The following FHDC1 variants were observed in gnomAD, a reference collection of about 807,000 sequenced individuals.
FHDC1 encodes the protein FH2 domain containing 1.
A neutral mutation model predicts 52.6 loss-of-function variants in FHDC1; 25 were observed. The observed-to-expected ratio is 0.48, with a 90% CI of 0.35 to 0.66. The LOEUF is 0.66. FHDC1 is among the 30% of genes least tolerant of loss of function. The pLI is 0.01. For missense variants in FHDC1, 1,459 were observed against 1,452.8 expected (o/e 1.00, Z -0.07); for synonymous variants, 616 against 581.5 (o/e 1.06, Z -0.85).
chr4:152,966,945 C>A (rs1397998294), intron 9 of FHDC1, among the ~76,000 whole-genome samples: 1 of 152,074 alleles, frequency 6.6e-6, no homozygotes, highest in Non-Finnish European at 1.5e-5. Context: ...CATAGTAAGA[C>A]CCTGTCTCTA....
Position 152,954,287 on chromosome 4 carries a change from G to A in FHDC1, c.631G>A (p.Glu211Lys), listed in dbSNP as rs1283989592. ...GCATTATGGATCAGAGACCTTGCGA[G>A]AATTTCTTAAGTTTTTGCCAGAGTC... ...SEHYGSETLR[E>K]FLKFLPESEE... The change falls in exon 4 of 12, where the codon GAA (glutamate) becomes AAA (lysine). Residue 211 changes from glutamate to lysine, a missense_variant. Coordinates refer to ENST00000511601, the MANE Select transcript of FHDC1 (RefSeq NM_001371116.1). 2.5e-6 allele frequency: 4 copies of A among 1,614,042 alleles called. No homozygotes were observed. The highest frequency in any genetic ancestry group is 1.7e-5 in the Admixed American group (1 of 60,014).
intron 4 of FHDC1, 86 bp downstream of exon 4, chr4:152,954,405 G>C: frequency 1.8e-6 from 2 of 1,124,282 alleles, no homozygotes; most frequent in Non-Finnish European, 2.6e-6. Context: ...TCACATGGAA[G>C]GCCAGGAGCA....
At chr4:152,942,175 A>G (rs1739591964) in intron 1 of FHDC1, among the ~76,000 whole-genome samples, 1 of 152,246 alleles carries the variant, frequency 6.6e-6, no homozygotes, top group Non-Finnish European at 1.5e-5. Context: ...GATGGTTTCC[A>G]AAGAGTGGCT....
the FHDC1 span, among the ~76,000 whole-genome samples, chr4:152,919,532 T>C: frequency 1.9e-3 from 288 of 152,356 alleles, 1 homozygote; most frequent in Admixed American, 3.2e-3. Flanking sequence ...AAATCTTAAA[T>C]ATAGTACAAT....
intron 4 of FHDC1, among the ~76,000 whole-genome samples, chr4:152,956,877 A>G (rs1161600706): frequency 6.6e-6 from 1 of 152,278 alleles, no homozygotes; most frequent in East Asian, 1.9e-4. Context: ...TTCCTTCAGC[A>G]GGAACACCCT....
At chr4:152,944,107 T>G (rs1739657363) in intron 2 of FHDC1, among the ~76,000 whole-genome samples, 1 of 152,146 alleles carries the variant, frequency 6.6e-6, no homozygotes, top group African/African-American at 2.4e-5. Context: ...AACAGAGGCT[T>G]CCAAAGAGAC....
chr4:152,937,047 G>A (rs1417465382), intron 1 of FHDC1, among the ~76,000 whole-genome samples: 3 of 152,202 alleles, frequency 2.0e-5, no homozygotes, highest in Non-Finnish European at 2.9e-5. Flanking sequence ...GTGTGGGGAG[G>A]GGGAGGAAGC....
intron 3 of FHDC1, 63 bp downstream of exon 3, chr4:152,953,623 G>T (rs1739993463): frequency 2.9e-6 from 4 of 1,387,452 alleles, no homozygotes; most frequent in African/African-American, 1.4e-5. Context: ...AAAGTCTGTG[G>T]GTGTGACTGA....
intron 2 of FHDC1, among the ~76,000 whole-genome samples, chr4:152,945,409 T>G (rs1739700258): frequency 6.6e-6 from 1 of 152,236 alleles, no homozygotes; most frequent in African/African-American, 2.4e-5. Context: ...AAATTATTTT[T>G]AATTGTGGTG....
intron 6 of FHDC1, among the ~76,000 whole-genome samples, chr4:152,961,547 G>A (rs771558712): frequency 1.7e-4 from 26 of 152,208 alleles, no homozygotes; most frequent in South Asian, 4.1e-4. Context: ...TGAGAATCCC[G>A]GCGGAGTTGC....
At chr4:152,961,570 T>C (rs1025046263) in intron 6 of FHDC1, among the ~76,000 whole-genome samples, 1 of 152,342 alleles carries the variant, frequency 6.6e-6, no homozygotes, top group African/African-American at 2.4e-5. Flanking sequence ...CTGGCTTCTT[T>C]TCAGCTCGGG....
chr4:152,921,929 A>G, the FHDC1 span, among the ~76,000 whole-genome samples: 1 of 152,200 alleles, frequency 6.6e-6, no homozygotes, highest in Non-Finnish European at 1.5e-5. Flanking sequence ...TTGACACCCT[A>G]ACATCACAAT....
At chr4:152,935,337 G>C (rs544220086), upstream of FHDC1, among the ~76,000 whole-genome samples, 19 of 152,254 alleles carry the variant, frequency 1.2e-4, no homozygotes, top group African/African-American at 4.6e-4. Flanking sequence ...CAAAGGTAGC[G>C]ATGACTTCAT....
the FHDC1 span, among the ~76,000 whole-genome samples, chr4:152,928,692 G>C: frequency 6.6e-6 from 1 of 152,146 alleles, no homozygotes; most frequent in Admixed American, 6.5e-5. Context: ...ACTGACCCGG[G>C]TGATGAAATG....
intron 4 of FHDC1, among the ~76,000 whole-genome samples, 189 bp downstream of exon 4, chr4:152,954,508 G>A (rs1405934250): frequency 6.6e-6 from 1 of 152,078 alleles, no homozygotes; most frequent in East Asian, 1.9e-4. Context: ...CCAACATGAT[G>A]GAACTCTGTC....
rs140139601 is a variant in FHDC1 at position 152,975,530 on chromosome 4, G to A, written c.2239G>A (p.Asp747Asn). Residue 747 changes from aspartate (D) to asparagine (N), a missense_variant, in exon 12 of 12, where the codon GAT becomes AAT. Coordinates refer to ENST00000511601, the MANE Select transcript of FHDC1 (RefSeq NM_001371116.1). ...PALEDGKAAP[D>N]EPGSAALGSV... is the part of the protein sequence containing the mutation. The stretch of plus-strand genomic sequence containing the variant: ...GCTGGAGGATGGCAAGGCTGCCCCC[G>A]ATGAGCCTGGAAGTGCAGCTTTGGG... 72 of 1,613,458 alleles carry A rather than the reference G, an allele frequency of 4.5e-5. 1 individual carries two copies. The African/African-American group carries it at 5.2e-4, about 12-fold the overall frequency.
chr4:152,928,140 G>C, the FHDC1 span: 8 of 889,782 alleles, frequency 9.0e-6, no homozygotes, highest in African/African-American at 1.6e-5. Context: ...GACAGTGAAG[G>C]CACCATCAAT....
In FHDC1 at chr4:152,942,914, T is replaced by C. The variant is rs1260291556; in HGVS notation, c.-130-14T>C. On this transcript the variant is annotated splice_polypyrimidine_tract_variant and intron_variant, in intron 1 of 11. Transcript: ENST00000511601. The stretch of plus-strand genomic sequence containing the variant: ...TTGTCTGTAACTGATTTGATATTTA[T>C]TTTATCTTGCTAGGTTTGGAAGAGG... 1 of 835,798 alleles carries C rather than the reference T, an allele frequency of 1.2e-6. No individual in the cohort carries two copies. The highest frequency in any genetic ancestry group is 1.8e-6 in the Non-Finnish European group (1 of 545,994). The allele number at this position is 835,798 out of a possible 1,614,324, so 51.8% of individuals were successfully genotyped here. A position where few individuals can be genotyped will look rare whatever the true frequency, so the allele number is the denominator to read the frequency against.
rs373722069 is a variant in FHDC1 at position 152,976,583 on chromosome 4, C to G, written c.3292C>G (p.Arg1098Gly). Reference sequence around the variant, plus strand: ...CAGCAGTGCCCGGGCCCCCAAGAAGCGCCCAGAGTCTGCGGAGGGTCCCAG... The same window carrying G: ...CAGCAGTGCCCGGGCCCCCAAGAAGGGCCCAGAGTCTGCGGAGGGTCCCAG... Reference protein sequence around the residue: ...RASSARAPKKRPESAEGPSAN... With the variant: ...RASSARAPKKGPESAEGPSAN... Residue 1098 changes from arginine (R) to glycine (G), a missense_variant, in exon 12 of 12, where the codon CGC becomes GGC. Physicochemically the swap from Arg to Gly is moderately radical, Grantham distance 125. Transcript: ENST00000511601. The G allele has an allele frequency of 8.8e-5, 142 of 1,612,376 alleles. No individual in the cohort carries two copies. The highest frequency in any genetic ancestry group is 1.7e-4 in the Admixed American group (10 of 59,918).
Sources: allele counts gnomAD v4.1 joint callset (sites outside exome capture counted in the v4.1 genomes callset), GRCh38; gene constraint gnomAD v4.1.1; transcripts MANE v1.5; gene names NCBI Gene and HGNC (gene_info 2026-07-23, HGNC 2026-07-21).